The following ERBB4 variants were observed in gnomAD, a reference collection of about 807,000 sequenced individuals.
ERBB4 encodes receptor tyrosine-protein kinase erbB-4.
A neutral mutation model predicts 158.0 loss-of-function variants in ERBB4; 42 were observed. The observed-to-expected ratio is 0.27, with a 90% confidence interval of 0.21 to 0.34. The LOEUF (loss-of-function observed/expected upper bound fraction) is 0.34. Among genes scored for constraint, ERBB4 ranks in the 10% least tolerant of loss-of-function variants. ERBB4 has a pLI of 1.00. For missense variants in ERBB4, 1,333 were observed against 1,624.1 expected, an observed-to-expected ratio of 0.82 and a Z score of 3.08; for synonymous variants, 583 against 558.7, an observed-to-expected ratio of 1.04 and a Z score of -0.61.
intron 20 of ERBB4, among the ~76,000 whole-genome samples, chr2:211,497,098 AG>A (rs1380326359): frequency 6.6e-6 from 1 of 152,160 alleles, no homozygotes; most frequent in East Asian, 1.9e-4. Context: ...TGCATGCATG[AG>A]CAGAATTAGA....
intron 1 of ERBB4, among the ~76,000 whole-genome samples, chr2:212,255,971 C>T (rs1477017023): frequency 6.6e-6 from 1 of 151,010 alleles, no homozygotes; most frequent in Non-Finnish European, 1.5e-5. Context: ...CAGAAGCATG[C>T]CACCATTCCT....
intron 1 of ERBB4, among the ~76,000 whole-genome samples, chr2:212,271,527 C>A (rs560379406): frequency 1.3e-5 from 2 of 151,688 alleles, no homozygotes; most frequent in African/African-American, 4.8e-5. Flanking sequence ...AATTTTCTTA[C>A]CTATTAAAAT....
At chr2:212,012,607 G>T (rs1246082638) in intron 2 of ERBB4, among the ~76,000 whole-genome samples, 1 of 151,962 alleles carries the variant, frequency 6.6e-6, no homozygotes, top group African/African-American at 2.4e-5. Flanking sequence ...CAGAGATGGG[G>T]CTTCACCATC....
At chr2:211,966,909 G>T (rs1170587086) in intron 2 of ERBB4, among the ~76,000 whole-genome samples, 1 of 152,058 alleles carries the variant, frequency 6.6e-6, no homozygotes, top group East Asian at 1.9e-4. Flanking sequence ...CACACAATAG[G>T]TCAGGAGCTT....
chr2:212,009,547 G>T (rs559810199), intron 2 of ERBB4, among the ~76,000 whole-genome samples: 16 of 152,076 alleles, frequency 1.1e-4, no homozygotes, highest in Non-Finnish European at 2.1e-4. Flanking sequence ...CAAGTTTGTT[G>T]TATGTTGTTA....
chr2:212,441,374 T>C (rs1015704118), intron 1 of ERBB4, among the ~76,000 whole-genome samples: 29 of 152,144 alleles, frequency 1.9e-4, no homozygotes, highest in African/African-American at 6.5e-4. Flanking sequence ...CCTGAGGCAG[T>C]TGCCAGGCAT....
At chr2:212,405,327 T>C (rs1018092601) in intron 1 of ERBB4, among the ~76,000 whole-genome samples, 6 of 151,780 alleles carry the variant, frequency 4.0e-5, no homozygotes, top group African/African-American at 1.5e-4. Context: ...TATTAAAAAG[T>C]AAAAATAACA....
intron 1 of ERBB4, among the ~76,000 whole-genome samples, chr2:212,126,199 C>G (rs2079919830): frequency 6.6e-6 from 1 of 151,992 alleles, no homozygotes; most frequent in African/African-American, 2.4e-5. Flanking sequence ...CATGGTGGCT[C>G]ACACCTGTTA....
At chr2:212,346,495 A>AT (rs1225303216) in intron 1 of ERBB4, among the ~76,000 whole-genome samples, 1 of 135,498 alleles carries the variant, frequency 7.4e-6, no homozygotes, top group African/African-American at 3.8e-5. Context: ...GCACTAAAAC[A>AT]TTAAAATGTT....
rs188856511 is a variant in ERBB4 at position 211,530,466 on chromosome 2, A to G, written c.2487+31437T>C. ...TCAATGCAATCCTTATCAAAATACC[A>G]ACGATATTTTTCACAGAAATGGAAG... On this transcript the variant is annotated intron_variant, in intron 20 of 27. Transcript: ENST00000342788. Among the ~76,000 whole-genome samples, 171 of 152,282 alleles carry G rather than the reference A, an allele frequency of 1.1e-3. 6 individuals carry two copies. The East Asian group carries it at 0.031, about 27-fold the overall frequency.
At chr2:212,289,666 C>T (rs1166443686) in intron 1 of ERBB4, among the ~76,000 whole-genome samples, 1 of 152,020 alleles carries the variant, frequency 6.6e-6, no homozygotes, top group East Asian at 1.9e-4. Context: ...TATCTGAGGG[C>T]AGAATTTAGG....
intron 25 of ERBB4, among the ~76,000 whole-genome samples, chr2:211,396,456 A>G (rs1163286207): frequency 6.6e-6 from 1 of 152,182 alleles, no homozygotes; most frequent in Non-Finnish European, 1.5e-5. Flanking sequence ...ATTTACTGGC[A>G]AATAATAAGG....
intron 5 of ERBB4, among the ~76,000 whole-genome samples, chr2:211,748,343 C>T (rs2075032803): frequency 6.6e-6 from 1 of 152,048 alleles, no homozygotes; most frequent in South Asian, 2.1e-4. Flanking sequence ...GAAAAGATGG[C>T]AGAGACCTTT....
intron 1 of ERBB4, among the ~76,000 whole-genome samples, chr2:212,293,893 G>A (rs910029042): frequency 1.4e-5 from 2 of 145,054 alleles, no homozygotes; most frequent in Non-Finnish European, 3.0e-5. Flanking sequence ...GTAAGTGTAT[G>A]ATGTGTATAA....
At chr2:211,666,867 G>A (rs17413784) in intron 14 of ERBB4, among the ~76,000 whole-genome samples, 14,658 of 152,172 alleles carry the variant, frequency 0.096, 756 homozygotes, top group Admixed American at 0.15. Flanking sequence ...AGCATACAGA[G>A]AGACAATTCT....
At chr2:211,539,372 TACC>T (rs1025700755) in intron 20 of ERBB4, among the ~76,000 whole-genome samples, 31 of 152,108 alleles carry the variant, frequency 2.0e-4, no homozygotes, top group Middle Eastern at 3.4e-3. Flanking sequence ...AACTAAAACA[TACC>T]ACGTCTGTAG....
chr2:211,938,788 A>T, intron 3 of ERBB4, among the ~76,000 whole-genome samples: 1 of 152,206 alleles, frequency 6.6e-6, no homozygotes, highest in Admixed American at 6.5e-5. Flanking sequence ...AGAATAGCTC[A>T]TATCTCAGCA....
intron 16 of ERBB4, among the ~76,000 whole-genome samples, chr2:211,637,773 G>C (rs151242991): frequency 0.014 from 2,105 of 151,914 alleles, 35 homozygotes; most frequent in South Asian, 0.07. Context: ...AAGATGCCTG[G>C]ATAACATCAA....
chr2:211,857,696 A>T (rs1035240498), intron 3 of ERBB4, among the ~76,000 whole-genome samples: 1 of 152,222 alleles, frequency 6.6e-6, no homozygotes, highest in Non-Finnish European at 1.5e-5. Context: ...ATTTGAATAC[A>T]ATTTACCTAC....
Sources: allele counts gnomAD v4.1 joint callset (sites outside exome capture counted in the v4.1 genomes callset), GRCh38; gene constraint gnomAD v4.1.1; transcripts MANE v1.5; gene names NCBI Gene and HGNC (gene_info 2026-07-23, HGNC 2026-07-21).